Variants in ZSWIM6 observed in about 807,000 individuals in gnomAD.
The protein encoded by ZSWIM6 is zinc finger SWIM domain-containing protein 6.
ZSWIM6 carries 9 observed loss-of-function variants against 113.2 expected under a neutral mutation model. The ratio of observed to expected loss-of-function variants is 0.08; its 90% CI spans 0.05 to 0.14. The LOEUF (loss-of-function observed/expected upper bound fraction) is 0.14, where lower values mean the gene tolerates loss of function less well. Among genes scored for constraint, ZSWIM6 ranks in the 10% least tolerant of loss-of-function variants. The pLI, the probability that ZSWIM6 is intolerant of heterozygous loss-of-function variation, is 1.00. For synonymous variants in ZSWIM6, 611 were observed against 606.5 expected (o/e 1.01, Z -0.11); for missense variants, 1,162 against 1,552.2 (o/e 0.75, Z 4.22).
chr5:61,387,055 G>A (rs1745604663), intron 1 of ZSWIM6, among the ~76,000 whole-genome samples: 2 of 152,078 alleles, frequency 1.3e-5, no homozygotes, highest in Admixed American at 1.3e-4. Flanking sequence ...AGTTCAAAAG[G>A]ACTTGTTCTG....
intron 1 of ZSWIM6, among the ~76,000 whole-genome samples, chr5:61,342,737 A>T (rs1008794768): frequency 6.6e-6 from 1 of 152,182 alleles, no homozygotes; most frequent in Non-Finnish European, 1.5e-5. Flanking sequence ...ATTTACACAT[A>T]TTAGGATTTA....
intron 1 of ZSWIM6, among the ~76,000 whole-genome samples, chr5:61,377,790 T>G (rs533394287): frequency 2.0e-5 from 3 of 151,122 alleles, no homozygotes; most frequent in Non-Finnish European, 4.4e-5. Flanking sequence ...TAGACAAATT[T>G]CCTTGATGTA....
At chr5:61,436,635 A>G (rs1467471430) in intron 1 of ZSWIM6, among the ~76,000 whole-genome samples, 2 of 152,210 alleles carry the variant, frequency 1.3e-5, no homozygotes, top group African/African-American at 4.8e-5. Flanking sequence ...TTGAGTTGTT[A>G]TTACTAAATA....
chr5:61,513,731 CT>C (rs1269068817), intron 4 of ZSWIM6, among the ~76,000 whole-genome samples: 3 of 151,890 alleles, frequency 2.0e-5, no homozygotes, highest in South Asian at 2.1e-4. Context: ...AAAAACTTAC[CT>C]TTTCTCCACT....
chr5:61,488,356 T>G (rs1459452472), intron 2 of ZSWIM6, among the ~76,000 whole-genome samples: 2 of 151,916 alleles, frequency 1.3e-5, no homozygotes, highest in Non-Finnish European at 2.9e-5. Context: ...TTTGGTACCA[T>G]GCTGACATTA....
At chr5:61,483,882 T>TAAAG (rs1206997133) in intron 2 of ZSWIM6, among the ~76,000 whole-genome samples, 2 of 149,674 alleles carry the variant, frequency 1.3e-5, no homozygotes, top group Non-Finnish European at 3.0e-5. Context: ...GTCTCAAAAA[T>TAAAG]AAATAAATAA....
chr5:61,355,399 G>T (rs935254232), intron 1 of ZSWIM6, among the ~76,000 whole-genome samples: 1 of 148,298 alleles, frequency 6.7e-6, no homozygotes, highest in African/African-American at 2.5e-5. Context: ...TAGCTTACCT[G>T]TTTACAGTGC....
rs1554038978 is a variant in ZSWIM6 at position 61,505,599 on chromosome 5, T to TTTCCTTCCTTCCTTCCTTCC, written c.1333+11190_1333+11191insTCCTTCCTTCCTTCCTTCCT. Reference sequence around the variant, plus strand: ...TTAATTGTTTTGGAATATCTATGATTTACCTTCCTTCCTTCCTTCCTTCCT... The same window carrying TTTCCTTCCTTCCTTCCTTCC: ...TTAATTGTTTTGGAATATCTATGATTTTCCTTCCTTCCTTCCTTCCTACCTTCCTTCCTTCCTTCCTTCCT... On this transcript the variant is annotated intron_variant, in intron 4 of 13. Transcript: ENST00000252744. Among the ~76,000 whole-genome samples the TTTCCTTCCTTCCTTCCTTCC allele has an allele frequency of 3.3e-5, 4 of 119,974 alleles. 1 individual carries two copies. Among genetic ancestry groups the TTTCCTTCCTTCCTTCCTTCC allele is most frequent in the Non-Finnish European group, 7.2e-5 (4 of 55,226 alleles). The allele number at this position is 119,974 out of a possible 152,430, so 78.7% of individuals were successfully genotyped here. A position where few individuals can be genotyped will look rare whatever the true frequency, so the allele number is the denominator to read the frequency against.
chr5:61,454,267 T>TTTATA (rs1747151711), intron 1 of ZSWIM6, among the ~76,000 whole-genome samples: 1 of 136,308 alleles, frequency 7.3e-6, no homozygotes, highest in Non-Finnish European at 1.6e-5. Context: ...TTTATTTTAT[T>TTTATA]TTATTTTTGA....
At chr5:61,349,427 T>G (rs1744737489) in intron 1 of ZSWIM6, among the ~76,000 whole-genome samples, 1 of 152,186 alleles carries the variant, frequency 6.6e-6, no homozygotes, top group African/African-American at 2.4e-5. Context: ...ATTCTCTTAA[T>G]TGAAAAAAAT....
intron 1 of ZSWIM6, chr5:61,390,977 T>TGA: frequency 1.3e-6 from 1 of 757,214 alleles, no homozygotes; most frequent in Non-Finnish European, 2.4e-6. Context: ...GCATTGTTCT[T>TGA]GATCAGTTTG....
intron 1 of ZSWIM6, among the ~76,000 whole-genome samples, chr5:61,360,816 A>G (rs937183962): frequency 1.3e-5 from 2 of 152,240 alleles, no homozygotes; most frequent in African/African-American, 2.4e-5. Context: ...AACAGTAGCC[A>G]TTTATATGGA....
intron 1 of ZSWIM6, among the ~76,000 whole-genome samples, chr5:61,456,381 A>C (rs900086769): frequency 3.9e-5 from 6 of 152,186 alleles, no homozygotes; most frequent in African/African-American, 1.4e-4. Flanking sequence ...CAAAATGCTG[A>C]ATTTTGATAT....
At chr5:61,494,553 A>G (rs1222122169) in intron 4 of ZSWIM6, 143 bp downstream of exon 4, 1 of 1,133,710 alleles carries the variant, frequency 8.8e-7, no homozygotes, top group South Asian at 1.7e-5. Context: ...GGTTAGAAGC[A>G]TAGGAGGATT....
At chr5:61,437,364 A>G (rs896665792) in intron 1 of ZSWIM6, among the ~76,000 whole-genome samples, 3 of 152,130 alleles carry the variant, frequency 2.0e-5, no homozygotes, top group Non-Finnish European at 4.4e-5. Flanking sequence ...TACTGCGGGC[A>G]CCTGAGATTG....
intron 1 of ZSWIM6, among the ~76,000 whole-genome samples, chr5:61,340,362 T>C (rs1744516845): frequency 6.6e-6 from 1 of 152,182 alleles, no homozygotes; most frequent in Admixed American, 6.5e-5. Context: ...AATATATATA[T>C]GTGATGATGT....
intron 2 of ZSWIM6, among the ~76,000 whole-genome samples, chr5:61,483,027 T>C (rs1157231960): frequency 6.6e-6 from 1 of 152,180 alleles, no homozygotes; most frequent in Non-Finnish European, 1.5e-5. Context: ...TATCCATTCA[T>C]TTTTCTGTTG....
At chr5:61,333,372 A>G (rs1744310590) in intron 1 of ZSWIM6, among the ~76,000 whole-genome samples, 1 of 151,240 alleles carries the variant, frequency 6.6e-6, no homozygotes, top group Non-Finnish European at 1.5e-5. Context: ...CGGGCCGCAG[A>G]CAATGCCGGC....
chr5:61,434,859 C>T (rs1316047254), intron 1 of ZSWIM6, among the ~76,000 whole-genome samples: 1 of 152,122 alleles, frequency 6.6e-6, no homozygotes, highest in Non-Finnish European at 1.5e-5. Context: ...TCACAGGATG[C>T]TTTAAATTCT....
Sources: gnomAD v4.1 joint callset for allele counts (sites outside exome capture counted in the v4.1 genomes callset) on GRCh38, gnomAD v4.1.1 for gene constraint, MANE v1.5 for transcripts, NCBI Gene and HGNC (gene_info 2026-07-23, HGNC 2026-07-21) for gene names.